The following RASA2 variants were observed in gnomAD, a reference collection of about 807,000 sequenced individuals.
RASA2 encodes the protein RAS p21 protein activator 2.
A neutral mutation model predicts 118.2 loss-of-function variants in RASA2; 155 were observed. The ratio of observed to expected loss-of-function variants is 1.31; its 90% CI spans 1.15 to 1.50. The LOEUF (loss-of-function observed/expected upper bound fraction) is 1.50. Among genes scored for constraint, RASA2 ranks in the 40% most tolerant of loss-of-function variants. The pLI is 0.00. For synonymous variants in RASA2, 353 were observed against 349.1 expected (o/e 1.01, Z -0.12); for missense variants, 1,016 against 1,009.6 (o/e 1.01, Z -0.09).
chr3:141,586,055 A>G lies in RASA2; in HGVS notation c.1783A>G (p.Lys595Glu), dbSNP rs143060268. Residue 595 changes from lysine to glutamate, a missense_variant, in exon 18 of 24, where the codon AAA (lysine) becomes GAA (glutamate). Lys to Glu is a moderately conservative substitution (Grantham distance 56, BLOSUM62 1). Transcript: ENST00000286364. ...FLDEISSTETKESSGTSEPVH... is the reference protein window; with the variant it reads ...FLDEISSTETEESSGTSEPVH... ...GGATGAAATTTCATCTACTGAAACT[A>G]AAGAGTCCAGTGGTACGAGTGAGCC... 4.3e-6 allele frequency: 7 copies of G among 1,611,304 alleles called. No individual in the cohort carries two copies. Among genetic ancestry groups the G allele is most frequent in the Non-Finnish European group, 5.9e-6 (7 of 1,177,700 alleles).
intron 13 of RASA2, among the ~76,000 whole-genome samples, chr3:141,573,490 C>A (rs1176695270): frequency 6.6e-6 from 1 of 152,202 alleles, no homozygotes; most frequent in Non-Finnish European, 1.5e-5. Context: ...TTGCAGCCCC[C>A]GTTCTAGCCA....
At position 141,591,426 on chromosome 3, in the gene RASA2, G is replaced by A. The variant is rs146692524; in HGVS notation, c.1933+4674G>A. 1.3e-3 allele frequency among the ~76,000 whole-genome samples: 200 copies of A among 152,160 alleles called. 3 individuals are homozygous for A. The South Asian group carries it at 0.025, about 19-fold the overall frequency. On this transcript the variant is annotated intron_variant, in intron 19 of 23. Transcript: ENST00000286364. Reference sequence around the variant, plus strand: ...CTTACTGTGTATCTTCAGCTACGTGGCATTACTGTGTGGTCATTACTTTTG... The same window carrying A: ...CTTACTGTGTATCTTCAGCTACGTGACATTACTGTGTGGTCATTACTTTTG...
In RASA2 at chr3:141,575,683, A is replaced by G. The variant is rs534025793; in HGVS notation, c.1484-1317A>G. Among the ~76,000 whole-genome samples the G allele has an allele frequency of 8.2e-4, 121 of 148,244 alleles. 1 individual carries two copies. The South Asian group carries it at 0.025, about 31-fold the overall frequency. ...AGTCTACTCCAAACTACATGCTGCC[A>G]TTCACTATACTCTATACTAACTGGT... On this transcript the variant is annotated intron_variant, in intron 14 of 23. Coordinates refer to ENST00000286364, the MANE Select transcript of RASA2 (RefSeq NM_006506.5).
intron 9 of RASA2, among the ~76,000 whole-genome samples, chr3:141,564,824 C>G (rs1376113958): frequency 2.0e-5 from 3 of 152,152 alleles, no homozygotes; most frequent in Non-Finnish European, 4.4e-5. Context: ...CTTCTCCCTA[C>G]TTTTGTAAGT....
At chr3:141,498,671 A>T (rs1459691632) in intron 1 of RASA2, among the ~76,000 whole-genome samples, 2 of 152,046 alleles carry the variant, frequency 1.3e-5, no homozygotes, top group Non-Finnish European at 2.9e-5. Context: ...GGGGGCGAAG[A>T]TCAATATGAA....
At chr3:141,557,160 C>T (rs2151116804) in intron 7 of RASA2, among the ~76,000 whole-genome samples, 1 of 152,310 alleles carries the variant, frequency 6.6e-6, no homozygotes, top group Non-Finnish European at 1.5e-5. Flanking sequence ...AAGGCCTGAC[C>T]TGCCTGCTGT....
At chr3:141,514,717 A>G (rs1217275253) in intron 2 of RASA2, among the ~76,000 whole-genome samples, 1 of 152,238 alleles carries the variant, frequency 6.6e-6, no homozygotes, top group African/African-American at 2.4e-5. Flanking sequence ...AAAAAGCTTT[A>G]TATAAGAATG....
intron 5 of RASA2, among the ~76,000 whole-genome samples, chr3:141,545,460 A>AATTT: frequency 7.9e-6 from 1 of 126,002 alleles, no homozygotes; most frequent in Non-Finnish European, 1.7e-5. Context: ...GGTACTACAT[A>AATTT]CTTTTTTTTT....
intron 5 of RASA2, among the ~76,000 whole-genome samples, chr3:141,546,072 A>G (rs1321495344): frequency 1.3e-5 from 2 of 152,170 alleles, no homozygotes; most frequent in African/African-American, 4.8e-5. Context: ...TCCATTATGT[A>G]TATATACCAC....
intron 1 of RASA2, among the ~76,000 whole-genome samples, chr3:141,496,773 T>C (rs1279206845): frequency 6.6e-6 from 1 of 152,208 alleles, no homozygotes; most frequent in Non-Finnish European, 1.5e-5. Flanking sequence ...CTCAGGGATC[T>C]AGAACTAGAA....
intron 19 of RASA2, among the ~76,000 whole-genome samples, chr3:141,587,222 A>T (rs1323580885): frequency 6.6e-6 from 1 of 152,222 alleles, no homozygotes; most frequent in African/African-American, 2.4e-5. Context: ...CTCTTAGCTA[A>T]GCTAACCCCA....
rs1065352 is a variant in RASA2, at chr3:141,577,046, T to C, written c.1530T>C (p.Leu510=). The C allele has an allele frequency of 1.9e-6, 3 of 1,612,356 alleles. No homozygotes were observed. Among genetic ancestry groups the C allele is most frequent in the Non-Finnish European group, 2.5e-6 (3 of 1,179,038 alleles). The change falls in exon 15 of 24, where the codon CTT becomes CTC. Residue 510 remains leucine, a synonymous_variant. Coordinates refer to ENST00000286364, the MANE Select transcript of RASA2 (RefSeq NM_006506.5). ...CTGCAGTGAGCAGCTTTGTATTTCT[T>C]CGTTTCTTTGCTGTAGCCGTAGTAT... ...QYSAVSSFVF[L]RFFAVAVVSP...
At chr3:141,539,176 T>C (rs2082371668) in intron 4 of RASA2, among the ~76,000 whole-genome samples, 1 of 152,224 alleles carries the variant, frequency 6.6e-6, no homozygotes, top group Non-Finnish European at 1.5e-5. Flanking sequence ...CACCCTTGAA[T>C]AGTAGAGATT....
At chr3:141,572,320 G>A (rs1416282389) in intron 11 of RASA2, among the ~76,000 whole-genome samples, 1 of 151,966 alleles carries the variant, frequency 6.6e-6, no homozygotes, top group Non-Finnish European at 1.5e-5. Flanking sequence ...TCACACTCCT[G>A]ACTTCAAGCG....
intron 19 of RASA2, among the ~76,000 whole-genome samples, chr3:141,599,238 T>C (rs2083424575): frequency 6.7e-6 from 1 of 149,830 alleles, no homozygotes; most frequent in Non-Finnish European, 1.5e-5. Context: ...CTTTGTTTTT[T>C]GGGTTTTTTT....
chr3:141,567,549 G>A (rs1046191674), intron 9 of RASA2, among the ~76,000 whole-genome samples: 3 of 152,022 alleles, frequency 2.0e-5, no homozygotes, highest in African/African-American at 7.3e-5. Flanking sequence ...CTTTTTAAAT[G>A]TATTTTTAAA....
rs763435406 is a variant in RASA2, at chr3:141,610,916, C to T, written c.2519+850C>T. Reference sequence around the variant, plus strand: ...ATAATAAGAATTCACAAAACTCACCCCCAAAAAAATTAAGCTGTAAAAGTG... The same window carrying T: ...ATAATAAGAATTCACAAAACTCACCTCCAAAAAAATTAAGCTGTAAAAGTG... On this transcript the variant is annotated intron_variant, in intron 23 of 23. Transcript: ENST00000286364. 2.7e-4 allele frequency among the ~76,000 whole-genome samples: 41 copies of T among 152,096 alleles called. 1 individual carries two copies. Among genetic ancestry groups the T allele is most frequent in the Admixed American group, 7.2e-4 (11 of 15,268 alleles).
In RASA2 at chr3:141,609,366, A is replaced by C. The variant is rs992846100; in HGVS notation, c.2226-54A>C. The stretch of plus-strand genomic sequence containing the variant: ...TCTCAAACCATCAGAAGTCCTTGGC[A>C]TGTTAACAAAATAAAATTTGTATAA... On this transcript the variant is annotated intron_variant, in intron 21 of 23. Coordinates refer to ENST00000286364, the MANE Select transcript of RASA2 (RefSeq NM_006506.5). The C allele has an allele frequency of 9.2e-5, 105 of 1,135,180 alleles. 1 individual carries two copies. The African/African-American group carries it at 1.6e-3, about 17-fold the overall frequency. 70.3% of individuals were successfully genotyped at this position (1,135,180 alleles called of 1,614,324 possible). A position where few individuals can be genotyped will look rare whatever the true frequency, so the allele number is the denominator to read the frequency against.
intron 19 of RASA2, among the ~76,000 whole-genome samples, chr3:141,605,343 T>C (rs549503096): frequency 8.1e-4 from 124 of 152,288 alleles, no homozygotes; most frequent in Non-Finnish European, 1.3e-3. Flanking sequence ...TTTCTTCTTG[T>C]ACTGTATTTT....
Sources: allele counts gnomAD v4.1 joint callset (sites outside exome capture counted in the v4.1 genomes callset), GRCh38; gene constraint gnomAD v4.1.1; transcripts MANE v1.5; gene names NCBI Gene and HGNC (gene_info 2026-07-23, HGNC 2026-07-21).